The following RNF6 variants were observed in gnomAD, a reference collection of about 807,000 sequenced individuals.
The protein encoded by RNF6 is E3 ubiquitin-protein ligase RNF6.
In RNF6, 21 loss-of-function variants were observed where a neutral mutation model predicts 50.1. That is an observed-to-expected ratio of 0.42 (90% CI 0.30 to 0.60). The LOEUF is 0.60. Ranked by LOEUF, RNF6 falls within the 20% of genes least tolerant of loss-of-function variation. The pLI, the probability that RNF6 is intolerant of heterozygous loss-of-function variation, is 0.20. For synonymous variants in RNF6, 255 were observed against 291.8 expected (o/e 0.87, Z 1.29); for missense variants, 698 against 838.2 (o/e 0.83, Z 2.07).
chr13:26,151,531 G>A (rs1871589135), intron 5 of RNF6, among the ~76,000 whole-genome samples: 1 of 151,926 alleles, frequency 6.6e-6, no homozygotes, highest in African/African-American at 2.4e-5. Context: ...CCAAAGTGCT[G>A]GGATTATAGG....
intron 5 of RNF6, among the ~76,000 whole-genome samples, chr13:26,165,235 G>T (rs1418389548): frequency 6.6e-6 from 1 of 152,238 alleles, no homozygotes. Flanking sequence ...TCCACATGGT[G>T]TTGAGCCTGC....
At chr13:26,132,908 T>A (rs552889830) in intron 5 of RNF6, among the ~76,000 whole-genome samples, 1 of 152,198 alleles carries the variant, frequency 6.6e-6, no homozygotes, top group East Asian at 1.9e-4. Context: ...GGGTTTTTTC[T>A]TTGGTGGTTC....
At chr13:26,210,056 G>A (rs1869260617), downstream of RNF6, among the ~76,000 whole-genome samples, 1 of 152,028 alleles carries the variant, frequency 6.6e-6, no homozygotes, top group African/African-American at 2.4e-5. Flanking sequence ...AAAATAACTC[G>A]CAATCTGTCT....
rs972284698 is a variant in RNF6 at position 26,221,307 on chromosome 13, G to T, written c.-78C>A. On this transcript the variant is annotated 5_prime_UTR_variant, in exon 2 of 5. Transcript: ENST00000381588. Reference sequence around the variant, plus strand: ...CATGGTATCCATCCTTCAATTGTTTGTGCCTTTTTTGAGAGCTGCCCATCT... The same window carrying T: ...CATGGTATCCATCCTTCAATTGTTTTTGCCTTTTTTGAGAGCTGCCCATCT... 6.6e-6 allele frequency: 1 copy of T among 152,068 alleles called. No individual in the cohort carries two copies. The highest frequency in any genetic ancestry group is 2.4e-5 in the African/African-American group (1 of 41,400). 9.4% of individuals were successfully genotyped at this position (152,068 alleles called of 1,614,324 possible). A position where few individuals can be genotyped will look rare whatever the true frequency, so the allele number is the denominator to read the frequency against.
At chr13:26,153,965 A>T (rs172519) in intron 5 of RNF6, 1 of 152,172 alleles carries the variant, frequency 6.6e-6, no homozygotes, top group African/African-American at 2.4e-5. Context: ...TAAATTTATT[A>T]TCTACATTGA....
At chr13:26,220,633 G>C (rs1336408569) in intron 2 of RNF6, among the ~76,000 whole-genome samples, 1 of 152,152 alleles carries the variant, frequency 6.6e-6, no homozygotes, top group Non-Finnish European at 1.5e-5. Flanking sequence ...TCCTTGATTA[G>C]AGTTTTCCAG....
chr13:26,132,445 G>T (rs868780073), exon 6 of RNF6: 1 of 459,558 alleles, frequency 2.2e-6, no homozygotes, highest in Admixed American at 2.3e-5. Context: ...CTTGTATCTG[G>T]CAAAGCCTAC....
intron 5 of RNF6, among the ~76,000 whole-genome samples, chr13:26,202,473 C>A (rs1011071394): frequency 6.6e-6 from 1 of 152,056 alleles, no homozygotes; most frequent in African/African-American, 2.4e-5. Flanking sequence ...AAACAAAGAT[C>A]AAAAAGTTTT....
rs1400531622 is a variant in RNF6, at chr13:26,158,477, A to G, written n.769-26026T>C. On this transcript the variant is annotated intron_variant and non_coding_transcript_variant, in intron 5 of 5. Transcript: ENST00000468480. ...TTTAAATGTATGTAAAAAGCTATTT[A>G]TCATAGCGTTAGGGTATCTGTGAAA... 2.6e-5 allele frequency among the ~76,000 whole-genome samples: 4 copies of G among 152,354 alleles called. No homozygotes were observed. In the South Asian group the frequency reaches 8.3e-4, roughly 32 times the overall value.
chr13:26,148,991 T>G (rs1357235032), intron 5 of RNF6, among the ~76,000 whole-genome samples: 1 of 151,942 alleles, frequency 6.6e-6, no homozygotes, highest in African/African-American at 2.4e-5. Context: ...CTGTAATTGA[T>G]TGGATAAAAT....
At chr13:26,137,800 T>C (rs1055790545) in intron 5 of RNF6, among the ~76,000 whole-genome samples, 1 of 151,912 alleles carries the variant, frequency 6.6e-6, no homozygotes, top group Non-Finnish European at 1.5e-5. Context: ...AATGACCCAG[T>C]GTGTGAAACA....
At chr13:26,132,704 G>A (rs898187737) in intron 5 of RNF6, among the ~76,000 whole-genome samples, 1 of 152,174 alleles carries the variant, frequency 6.6e-6, no homozygotes, top group African/African-American at 2.4e-5. Context: ...CACCTGTACT[G>A]AAAGTATTGT....
intron 5 of RNF6, among the ~76,000 whole-genome samples, chr13:26,168,095 G>A (rs1009277310): frequency 2.6e-5 from 4 of 152,158 alleles, no homozygotes; most frequent in East Asian, 1.9e-4. Context: ...TAATTATTAT[G>A]TACTACACTT....
rs752564206 is a variant in RNF6, at chr13:26,192,574, T to C, written n.768+22900A>G. ...ATATCACTTTCATGATTAGATTATG[T>C]GATATTTTTACATCTGTCATACTAG... On this transcript the variant is annotated intron_variant and non_coding_transcript_variant, in intron 5 of 5. Coordinates refer to the RNF6 transcript ENST00000468480. Among the ~76,000 whole-genome samples the C allele has an allele frequency of 1.4e-3, 218 of 152,198 alleles. 3 individuals carry two copies. Among genetic ancestry groups the C allele is most frequent in the Non-Finnish European group, 3.8e-4 (26 of 68,026 alleles).
chr13:26,136,453 T>C (rs905889806), intron 5 of RNF6, among the ~76,000 whole-genome samples: 1 of 152,194 alleles, frequency 6.6e-6, no homozygotes, highest in African/African-American at 2.4e-5. Flanking sequence ...CTTCTCTGCT[T>C]CCATTTAACC....
At chr13:26,155,648 C>T (rs2137595822) in intron 5 of RNF6, among the ~76,000 whole-genome samples, 1 of 152,292 alleles carries the variant, frequency 6.6e-6, no homozygotes, top group Non-Finnish European at 1.5e-5. Flanking sequence ...GCTGGACGGG[C>T]AATAGGTCTG....
Position 26,202,801 on chromosome 13 carries a change from C to T in RNF6, n.768+12673G>A, listed in dbSNP as rs184277320. 6.5e-4 allele frequency among the ~76,000 whole-genome samples: 99 copies of T among 152,282 alleles called. 1 individual carries two copies. Among genetic ancestry groups the T allele is most frequent in the African/African-American group, 2.3e-3 (96 of 41,538 alleles). On this transcript the variant is annotated intron_variant and non_coding_transcript_variant, in intron 5 of 5. Transcript: ENST00000468480. ...CACATGGGCAGCTACTTACTGTGAA[C>T]AAACCATGAACAAAAGTACCTCAAG... is the stretch of plus-strand genomic sequence containing the variant.
chr13:26,152,497 T>C (rs1317885776), intron 5 of RNF6, among the ~76,000 whole-genome samples: 2 of 152,186 alleles, frequency 1.3e-5, no homozygotes, highest in Non-Finnish European at 2.9e-5. Context: ...AAATACTCTG[T>C]CTTATAAAAT....
At chr13:26,191,662 G>A (rs1425281335) in intron 5 of RNF6, among the ~76,000 whole-genome samples, 1 of 152,136 alleles carries the variant, frequency 6.6e-6, no homozygotes, top group African/African-American at 2.4e-5. Context: ...TTGCTTCCCT[G>A]TCACTTTCCA....
Sources: gnomAD v4.1 joint callset for allele counts (sites outside exome capture counted in the v4.1 genomes callset) on GRCh38, gnomAD v4.1.1 for gene constraint, MANE v1.5 for transcripts, NCBI Gene and HGNC (gene_info 2026-07-23, HGNC 2026-07-21) for gene names.